The following CTNNA3 variants were observed in gnomAD, a reference collection of about 807,000 sequenced individuals.
The protein encoded by CTNNA3 is catenin alpha 3, also known as catenin alpha-3.
CTNNA3 carries 76 observed loss-of-function variants against 95.7 expected under a neutral mutation model. That is an observed-to-expected ratio of 0.79 (90% CI 0.66 to 0.96). The LOEUF is 0.96. Among genes scored for constraint, CTNNA3 ranks in the 40% least tolerant of loss-of-function variants. CTNNA3 has a pLI of 0.00. For missense variants in CTNNA3, 1,191 were observed against 1,089.8 expected, an observed-to-expected ratio of 1.09 and a Z score of -1.31; for synonymous variants, 431 against 374.4, an observed-to-expected ratio of 1.15 and a Z score of -1.74.
rs149883114 is a variant in CTNNA3, at chr10:65,929,720, C to T, written c.2401-9103G>A. Among the ~76,000 whole-genome samples the T allele has an allele frequency of 5.7e-3, 868 of 152,096 alleles. 9 individuals carry two copies. Among genetic ancestry groups the T allele is most frequent in the Non-Finnish European group, 9.7e-3 (661 of 67,968 alleles). On this transcript the variant is annotated intron_variant, in intron 17 of 17. Transcript: ENST00000433211. ...AGTAGCTGGGACTACAGGCACCCGC[C>T]ACCACGCCCTGCTAATTTTTGTATT...
intron 7 of CTNNA3, among the ~76,000 whole-genome samples, chr10:67,036,291 C>G (rs1337075535): frequency 6.6e-6 from 1 of 151,016 alleles, no homozygotes; most frequent in Non-Finnish European, 1.5e-5. Context: ...TTTTTTGAGA[C>G]AGAGTTTTGC....
At chr10:66,643,953 T>C (rs1845604246) in intron 9 of CTNNA3, among the ~76,000 whole-genome samples, 1 of 151,972 alleles carries the variant, frequency 6.6e-6, no homozygotes, top group Non-Finnish European at 1.5e-5. Context: ...AAAACAGCAA[T>C]ATAATGGTGT....
intron 7 of CTNNA3, among the ~76,000 whole-genome samples, chr10:67,130,074 C>A (rs1455969976): frequency 1.3e-5 from 2 of 152,076 alleles, no homozygotes; most frequent in Non-Finnish European, 1.5e-5. Flanking sequence ...AATCTACCCC[C>A]CTTCCAACAT....
chr10:66,534,475 T>TATAC (rs1841580316), intron 10 of CTNNA3, among the ~76,000 whole-genome samples: 1 of 782 alleles, frequency 1.3e-3, no homozygotes, highest in African/African-American at 5.2e-3. Flanking sequence ...AAATCATATA[T>TATAC]ATATATATAT....
At chr10:66,203,664 A>C (rs2087575313) in intron 13 of CTNNA3, among the ~76,000 whole-genome samples, 1 of 152,054 alleles carries the variant, frequency 6.6e-6, no homozygotes, top group Non-Finnish European at 1.5e-5. Context: ...AAAGGAGAAA[A>C]TTTTATTAAA....
chr10:67,244,553 A>G (rs745802188), intron 5 of CTNNA3, among the ~76,000 whole-genome samples: 43 of 152,328 alleles, frequency 2.8e-4, no homozygotes, highest in Middle Eastern at 3.4e-3. Context: ...GAGCTGTGAG[A>G]AAATAGAAAT....
intron 5 of CTNNA3, among the ~76,000 whole-genome samples, chr10:67,428,970 A>G (rs1348794162): frequency 6.6e-6 from 1 of 151,970 alleles, no homozygotes; most frequent in African/African-American, 2.4e-5. Flanking sequence ...ATTTATATAT[A>G]TCCTATTAGT....
chr10:66,656,829 GT>G (rs1846089306), intron 9 of CTNNA3, among the ~76,000 whole-genome samples: 1 of 151,884 alleles, frequency 6.6e-6, no homozygotes, highest in Admixed American at 6.6e-5. Context: ...TTTTGTTGTT[GT>G]TTTTTGTTTT....
intron 11 of CTNNA3, among the ~76,000 whole-genome samples, chr10:66,503,945 T>C (rs368130790): frequency 3.3e-5 from 5 of 152,196 alleles, no homozygotes; most frequent in African/African-American, 1.2e-4. Flanking sequence ...ATATTAGTTG[T>C]ATATATTTGT....
At chr10:67,224,358 G>A (rs997982925) in intron 5 of CTNNA3, among the ~76,000 whole-genome samples, 5 of 152,056 alleles carry the variant, frequency 3.3e-5, no homozygotes, top group Admixed American at 1.3e-4. Flanking sequence ...TTTCTGTGCC[G>A]GGCTTATTTG....
intron 9 of CTNNA3, among the ~76,000 whole-genome samples, chr10:66,639,556 C>T (rs1014768997): frequency 1.3e-5 from 2 of 152,014 alleles, no homozygotes; most frequent in African/African-American, 4.8e-5. Flanking sequence ...TTTGTGGTCC[C>T]CTCAAATATG....
At chr10:66,355,249 T>G (rs1482616775) in intron 12 of CTNNA3, among the ~76,000 whole-genome samples, 2 of 152,172 alleles carry the variant, frequency 1.3e-5, no homozygotes, top group Admixed American at 6.5e-5. Flanking sequence ...ATGCCAATTT[T>G]GGTAGCAAGC....
intron 16 of CTNNA3, among the ~76,000 whole-genome samples, chr10:65,976,895 C>A (rs2078217329): frequency 6.6e-6 from 1 of 151,950 alleles, no homozygotes; most frequent in South Asian, 2.1e-4. Flanking sequence ...CTATGGTTTG[C>A]AAATATTTTC....
At chr10:66,063,217 TATAGATATAG>T (rs150343191) in intron 15 of CTNNA3, among the ~76,000 whole-genome samples, 4,652 of 138,410 alleles carry the variant, frequency 0.034, 248 homozygotes, top group African/African-American at 0.11. Context: ...TATATATAGA[TATAGATATAG>T]ATAGATAGAT....
At chr10:67,505,954 TAAAAA>T (rs1045446754) in intron 5 of CTNNA3, among the ~76,000 whole-genome samples, 2 of 152,136 alleles carry the variant, frequency 1.3e-5, no homozygotes, top group African/African-American at 2.4e-5. Flanking sequence ...ATAATACAGT[TAAAAA>T]AGAAATGCAA....
At chr10:66,308,879 T>G (rs181472165) in intron 12 of CTNNA3, among the ~76,000 whole-genome samples, 4 of 152,290 alleles carry the variant, frequency 2.6e-5, no homozygotes, top group Admixed American at 2.0e-4. Context: ...CACCTTGGCT[T>G]CTTCTTAAAT....
intron 5 of CTNNA3, among the ~76,000 whole-genome samples, chr10:67,252,427 C>A (rs571703347): frequency 1.3e-5 from 2 of 152,172 alleles, no homozygotes; most frequent in Admixed American, 1.3e-4. Context: ...TACATACATA[C>A]CTATGATAAA....
In CTNNA3 at chr10:66,604,932, T is replaced by C. The variant is rs1035534265; in HGVS notation, c.1374+16760A>G. Among the ~76,000 whole-genome samples, 12 of 151,972 alleles carry C rather than the reference T, an allele frequency of 7.9e-5. 1 individual carries two copies. Among genetic ancestry groups the C allele is most frequent in the Non-Finnish European group, 1.6e-4 (11 of 67,998 alleles). On this transcript the variant is annotated intron_variant, in intron 10 of 17. Transcript: ENST00000433211. ...GTCCTAAAAATGACCACATCACCTC[T>C]CCAGCAGGGGTTCTGAACTGGGCTG... is the stretch of plus-strand genomic sequence containing the variant.
chr10:67,191,761 T>C (rs1028064505), intron 6 of CTNNA3, among the ~76,000 whole-genome samples: 2 of 151,888 alleles, frequency 1.3e-5, no homozygotes, highest in African/African-American at 2.4e-5. Flanking sequence ...CTAACATTCA[T>C]ATAAAACCAC....
Sources: gnomAD v4.1 joint callset for allele counts (sites outside exome capture counted in the v4.1 genomes callset) on GRCh38, gnomAD v4.1.1 for gene constraint, MANE v1.5 for transcripts, NCBI Gene and HGNC (gene_info 2026-07-23, HGNC 2026-07-21) for gene names.